GPC6: variants seen among roughly 807,000 people sequenced by gnomAD.
GPC6 encodes glypican-6.
In GPC6, 14 loss-of-function variants were observed where a neutral mutation model predicts 55.2. The observed-to-expected ratio is 0.25, with a 90% CI of 0.17 to 0.40. The LOEUF is 0.40. GPC6 is among the 10% of genes least tolerant of loss of function. The probability of loss-of-function intolerance (pLI) is 1.00; values close to 1 mark genes in which losing one functional copy is unlikely to be tolerated. For synonymous variants in GPC6, 278 were observed against 259.6 expected (o/e 1.07, Z -0.68); for missense variants, 641 against 708.5 (o/e 0.90, Z 1.08).
chr13:93,879,868 G>GA (rs1436691220), intron 3 of GPC6, among the ~76,000 whole-genome samples: 3 of 151,518 alleles, frequency 2.0e-5, no homozygotes, highest in Middle Eastern at 3.2e-3. Context: ...AAATTTACAA[G>GA]AAAAAAACAA....
intron 4 of GPC6, among the ~76,000 whole-genome samples, chr13:94,269,541 C>A (rs1038038660): frequency 6.6e-6 from 1 of 152,176 alleles, no homozygotes; most frequent in African/African-American, 2.4e-5. Context: ...GTCCTTCTGT[C>A]TTTTTAATCA....
intron 4 of GPC6, among the ~76,000 whole-genome samples, chr13:94,190,309 GAA>G (rs60188375): frequency 0.17 from 24,448 of 145,580 alleles, 2,498 homozygotes; most frequent in Admixed American, 0.28. Context: ...GCAAGACTCT[GAA>G]AAAAAAAAAA....
At position 93,557,247 on chromosome 13, in the gene GPC6, A is replaced by C. The variant is rs142318897; in HGVS notation, c.319+11826A>C. On this transcript the variant is annotated intron_variant, in intron 2 of 8. Coordinates refer to ENST00000377047, the MANE Select transcript of GPC6 (RefSeq NM_005708.5). ...AGGGAATTTCCTATTTTCTGGGTAT[A>C]ATATTCCCTCCACACATACTTTATG... Among the ~76,000 whole-genome samples, 3 of 152,284 alleles carry C rather than the reference A, an allele frequency of 2.0e-5. No homozygotes were observed. In the East Asian group the frequency reaches 5.8e-4, roughly 29 times the overall value.
chr13:93,942,220 G>A (rs1482110223), intron 3 of GPC6, among the ~76,000 whole-genome samples: 2 of 152,292 alleles, frequency 1.3e-5, no homozygotes, highest in East Asian at 1.9e-4. Flanking sequence ...TTGAAACTTA[G>A]CAGCTTAAAG....
intron 3 of GPC6, among the ~76,000 whole-genome samples, chr13:93,997,535 T>C (rs765398325): frequency 6.6e-6 from 1 of 152,064 alleles, no homozygotes; most frequent in Non-Finnish European, 1.5e-5. Context: ...GAAGAGTCTT[T>C]ACCTCTTTTC....
chr13:93,517,195 G>A (rs1169019157), intron 1 of GPC6, among the ~76,000 whole-genome samples: 1 of 152,080 alleles, frequency 6.6e-6, no homozygotes, highest in Non-Finnish European at 1.5e-5. Flanking sequence ...TTGTGTCTCA[G>A]AAACACCTTT....
Position 94,245,401 on chromosome 13 carries a change from T to TA in GPC6, c.878-40937dup, listed in dbSNP as rs200861063. 9.1e-3 allele frequency among the ~76,000 whole-genome samples: 1,332 copies of TA among 145,918 alleles called. 27 individuals are homozygous for TA. The highest frequency in any genetic ancestry group is 0.031 in the African/African-American group (1,236 of 39,908). On this transcript the variant is annotated intron_variant, in intron 4 of 8. Transcript: ENST00000377047. ...TAGCAAGACTCCACTCTATATAAAA[T>TA]AAAAAAAAAAATTTAAAAGCTAGCC... is the stretch of plus-strand genomic sequence containing the variant.
At chr13:93,729,032 T>C (rs1883738043) in intron 2 of GPC6, among the ~76,000 whole-genome samples, 1 of 152,166 alleles carries the variant, frequency 6.6e-6, no homozygotes, top group Non-Finnish European at 1.5e-5. Flanking sequence ...GTCTAAGTAT[T>C]AAGTATTAGT....
intron 4 of GPC6, among the ~76,000 whole-genome samples, chr13:94,269,703 C>G (rs1200408451): frequency 1.3e-5 from 2 of 152,152 alleles, no homozygotes; most frequent in Admixed American, 6.5e-5. Flanking sequence ...GAGCCTGAGT[C>G]TGGGATCAGT....
chr13:93,648,821 C>T (rs1316122202), intron 2 of GPC6, among the ~76,000 whole-genome samples: 1 of 152,180 alleles, frequency 6.6e-6, no homozygotes, highest in Non-Finnish European at 1.5e-5. Context: ...AATGTAGTGA[C>T]ATCACCCATG....
intron 4 of GPC6, among the ~76,000 whole-genome samples, chr13:94,130,895 T>G: frequency 6.6e-6 from 1 of 152,154 alleles, no homozygotes; most frequent in East Asian, 1.9e-4. Flanking sequence ...GTTAAGTACT[T>G]GAGAAATAAT....
chr13:94,214,242 A>G (rs564018776), intron 4 of GPC6, among the ~76,000 whole-genome samples: 1 of 152,272 alleles, frequency 6.6e-6, no homozygotes, highest in African/African-American at 2.4e-5. Context: ...ATATGTGGAG[A>G]ATTCCCCTGT....
chr13:93,823,918 CAAAGG>C (rs1286370119), intron 2 of GPC6, among the ~76,000 whole-genome samples: 2 of 152,018 alleles, frequency 1.3e-5, no homozygotes, highest in Non-Finnish European at 2.9e-5. Context: ...ACATTCAGAG[CAAAGG>C]AAAGTGTGAA....
At chr13:94,104,293 T>A (rs911498207) in intron 4 of GPC6, among the ~76,000 whole-genome samples, 4 of 151,984 alleles carry the variant, frequency 2.6e-5, no homozygotes, top group African/African-American at 9.7e-5. Context: ...GTAGCCTTGA[T>A]AAACTAGGTA....
intron 1 of GPC6, among the ~76,000 whole-genome samples, chr13:93,494,594 A>C (rs1449433905): frequency 6.6e-6 from 1 of 152,134 alleles, no homozygotes; most frequent in East Asian, 1.9e-4. Context: ...TTTACTCGTT[A>C]GTTGATGCAG....
chr13:93,909,887 T>C (rs1030006051), intron 3 of GPC6, among the ~76,000 whole-genome samples: 3 of 152,110 alleles, frequency 2.0e-5, no homozygotes, highest in African/African-American at 4.8e-5. Flanking sequence ...CCTGCCTCCC[T>C]CCTCTGCTCT....
At chr13:93,754,860 C>T (rs1189608763) in intron 2 of GPC6, among the ~76,000 whole-genome samples, 3 of 152,138 alleles carry the variant, frequency 2.0e-5, no homozygotes, top group Non-Finnish European at 2.9e-5. Context: ...ACTACAAAGC[C>T]TGAGCATGAA....
intron 3 of GPC6, among the ~76,000 whole-genome samples, chr13:93,838,027 A>G: frequency 6.6e-6 from 1 of 152,204 alleles, no homozygotes; most frequent in East Asian, 1.9e-4. Context: ...CATCTATTTC[A>G]CTAATGGTTT....
At chr13:93,478,908 G>C (rs930560962) in intron 1 of GPC6, among the ~76,000 whole-genome samples, 5 of 152,154 alleles carry the variant, frequency 3.3e-5, no homozygotes, top group African/African-American at 1.2e-4. Flanking sequence ...AGGCATGTTG[G>C]ACCTTTTGAG....
Sources: gnomAD v4.1 joint callset for allele counts (sites outside exome capture counted in the v4.1 genomes callset) on GRCh38, gnomAD v4.1.1 for gene constraint, MANE v1.5 for transcripts, NCBI Gene and HGNC (gene_info 2026-07-23, HGNC 2026-07-21) for gene names.